The following PCDH11X variants were observed in gnomAD, a reference collection of about 807,000 sequenced individuals.
PCDH11X encodes the protein protocadherin-11 X-linked.
In PCDH11X, 18 loss-of-function variants were observed where a neutral mutation model predicts 53.3. That is an observed-to-expected ratio of 0.34 (90% confidence interval 0.23 to 0.50). The LOEUF is 0.50. Among genes scored for constraint, PCDH11X ranks in the 20% least tolerant of loss-of-function variants. PCDH11X has a pLI of 0.98. For synonymous variants in PCDH11X, 279 were observed against 393.3 expected, an observed-to-expected ratio of 0.71 and a Z score of 3.44; for missense variants, 570 against 1,032.4, an observed-to-expected ratio of 0.55 and a Z score of 6.14.
intron 9 of PCDH11X, among the ~76,000 whole-genome samples, chrX:92,436,321 A>C (rs2148630114): frequency 9.0e-6 from 1 of 111,218 alleles, no homozygotes; most frequent in Admixed American, 9.6e-5. Flanking sequence ...AAGTCAAAAA[A>C]TAACAGATGC....
chrX:92,215,045 A>C (rs964899198), intron 7 of PCDH11X, among the ~76,000 whole-genome samples: 10 of 111,408 alleles, frequency 9.0e-5, no homozygotes, highest in Non-Finnish European at 1.9e-5. Flanking sequence ...GGAGATCCCG[A>C]CTAAAAAGAA....
intron 7 of PCDH11X, among the ~76,000 whole-genome samples, chrX:92,228,195 G>C (rs757175029): frequency 5.1e-4 from 57 of 111,660 alleles, no homozygotes; most frequent in African/African-American, 1.4e-3. Flanking sequence ...CTAACAGATT[G>C]TATTCTATTA....
intron 5 of PCDH11X, among the ~76,000 whole-genome samples, chrX:91,856,745 T>C (rs1160339402): frequency 9.0e-6 from 1 of 110,521 alleles, no homozygotes; most frequent in Non-Finnish European, 1.9e-5. Context: ...GATAATGGCT[T>C]CCATCTCCAC....
intron 9 of PCDH11X, among the ~76,000 whole-genome samples, chrX:92,402,947 C>T (rs1480140018): frequency 4.5e-5 from 5 of 111,027 alleles, no homozygotes; most frequent in Admixed American, 9.7e-5. Flanking sequence ...TTCTTTTATA[C>T]GTGTTTATAA....
At chrX:92,337,664 A>G (rs1426503392) in intron 8 of PCDH11X, among the ~76,000 whole-genome samples, 1 of 111,027 alleles carries the variant, frequency 9.0e-6, no homozygotes, top group Non-Finnish European at 1.9e-5. Flanking sequence ...ACCTGATTAC[A>G]GAGAAGAAAG....
intron 6 of PCDH11X, among the ~76,000 whole-genome samples, chrX:91,938,489 A>C (rs1483283496): frequency 4.7e-5 from 5 of 106,695 alleles, no homozygotes; most frequent in Non-Finnish European, 9.7e-5. Flanking sequence ...TTCCTGAGTT[A>C]AGGAGACAGA....
At chrX:92,594,899 T>G (rs1334980001) in intron 10 of PCDH11X, among the ~76,000 whole-genome samples, 1 of 108,866 alleles carries the variant, frequency 9.2e-6, no homozygotes, top group African/African-American at 3.4e-5. Flanking sequence ...TTTTGAGATA[T>G]CTACAGCTTT....
chrX:91,926,078 A>G (rs75005738), intron 6 of PCDH11X, among the ~76,000 whole-genome samples: 34 of 26,424 alleles, frequency 1.3e-3, no homozygotes, highest in African/African-American at 2.3e-3. Flanking sequence ...ACAAACACGC[A>G]CACACACACA....
chrX:92,510,880 A>T (rs778284461), intron 10 of PCDH11X, among the ~76,000 whole-genome samples: 138 of 111,931 alleles, frequency 1.2e-3, no homozygotes, highest in Non-Finnish European at 2.3e-3. Context: ...GTATTATTAA[A>T]TTATGGAAAT....
intron 6 of PCDH11X, among the ~76,000 whole-genome samples, chrX:92,048,351 C>T (rs188191419): frequency 4.4e-4 from 48 of 109,459 alleles, no homozygotes; most frequent in Middle Eastern, 4.9e-3. Flanking sequence ...AACTTTGAGA[C>T]GAAAGAACTT....
chrX:92,120,383 C>T (rs753237885), intron 6 of PCDH11X, among the ~76,000 whole-genome samples: 1 of 111,627 alleles, frequency 9.0e-6, no homozygotes, highest in Admixed American at 9.5e-5. Context: ...TGGTCTTGAA[C>T]TCCTGACCTC....
chrX:92,270,566 G>A (rs1280016602), intron 8 of PCDH11X, among the ~76,000 whole-genome samples: 11 of 111,936 alleles, frequency 9.8e-5, no homozygotes, highest in Non-Finnish European at 1.9e-4. Context: ...ACATGCCTAG[G>A]AGGGAGGTCT....
rs2074988148 is a variant in PCDH11X at position 92,553,075 on chromosome X, A to T, written c.3368-65189A>T. ...TGTCTGCTTTTGGTATCAGGATAAT[A>T]TTGGCCTCATAGAATGAATTTGAAA... On this transcript the variant is annotated intron_variant, in intron 10 of 10. Coordinates refer to ENST00000682573, the MANE Select transcript of PCDH11X (RefSeq NM_032968.5). Among the ~76,000 whole-genome samples, 3 of 105,811 alleles carry T rather than the reference A, an allele frequency of 2.8e-5. No individual in the cohort carries two copies. In the South Asian group the frequency reaches 1.3e-3, roughly 45 times the overall value. The allele number at this position is 105,811 out of a possible 115,157, so 91.9% of individuals were successfully genotyped here.
chrX:92,487,325 C>G (rs2073665302), intron 10 of PCDH11X, among the ~76,000 whole-genome samples: 1 of 109,770 alleles, frequency 9.1e-6, no homozygotes, highest in Middle Eastern at 4.7e-3. Flanking sequence ...AAACAAAACA[C>G]ACACAACTTC....
At chrX:92,372,855 G>A (rs2070658427) in intron 8 of PCDH11X, among the ~76,000 whole-genome samples, 1 of 107,394 alleles carries the variant, frequency 9.3e-6, no homozygotes, top group Admixed American at 1.0e-4. Flanking sequence ...ACGTAGCAGG[G>A]TAATAAGGCC....
intron 10 of PCDH11X, among the ~76,000 whole-genome samples, chrX:92,503,680 A>G (rs1411103188): frequency 9.2e-6 from 1 of 108,280 alleles, no homozygotes; most frequent in Non-Finnish European, 1.9e-5. Flanking sequence ...AACAATGAGA[A>G]CACATGGACA....
At chrX:92,106,126 A>G (rs1253615247) in intron 6 of PCDH11X, among the ~76,000 whole-genome samples, 3 of 109,933 alleles carry the variant, frequency 2.7e-5, no homozygotes, top group Non-Finnish European at 5.7e-5. Flanking sequence ...TCATTTATCC[A>G]TATTTCTAGA....
At chrX:91,807,217 T>C (rs1401235800) in intron 1 of PCDH11X, among the ~76,000 whole-genome samples, 1 of 107,034 alleles carries the variant, frequency 9.3e-6, no homozygotes, top group Non-Finnish European at 1.9e-5. Context: ...GGTCTGTTCA[T>C]GTGTGCCTGT....
chrX:92,005,995 T>C (rs2062593365), intron 6 of PCDH11X, among the ~76,000 whole-genome samples: 2 of 112,164 alleles, frequency 1.8e-5, no homozygotes, highest in Non-Finnish European at 3.8e-5. Context: ...CTCCAGTGTA[T>C]GACATGTGTT....
Sources: allele counts gnomAD v4.1 joint callset (sites outside exome capture counted in the v4.1 genomes callset), GRCh38; gene constraint gnomAD v4.1.1; transcripts MANE v1.5; gene names NCBI Gene and HGNC (gene_info 2026-07-23, HGNC 2026-07-21).